SPAG17: variants seen among roughly 807,000 people sequenced by gnomAD.
The protein encoded by SPAG17 is sperm associated antigen 17, also known as sperm-associated antigen 17.
In SPAG17, 169 loss-of-function variants were observed where a neutral mutation model predicts 273.6. The observed-to-expected ratio is 0.62, with a 90% confidence interval of 0.55 to 0.70. The LOEUF is 0.70. Ranked by LOEUF, SPAG17 falls within the 30% of genes least tolerant of loss-of-function variation. The probability of loss-of-function intolerance (pLI) is 0.00; values close to 1 mark genes in which losing one functional copy is unlikely to be tolerated. For synonymous variants in SPAG17, 825 were observed against 873.2 expected, an observed-to-expected ratio of 0.94 and a Z score of 0.97; for missense variants, 2,557 against 2,627.8, an observed-to-expected ratio of 0.97 and a Z score of 0.59.
At chr1:118,042,081 C>T (rs748135665) in intron 20 of SPAG17, 39 bp from the exon 21 acceptor site, 25 of 1,586,418 alleles carry the variant, frequency 1.6e-5, no homozygotes, top group South Asian at 5.9e-5. Context: ...GATTTTTAAA[C>T]GAATTAAACA....
At chr1:118,006,850 C>G (rs569853261) in intron 31 of SPAG17, among the ~76,000 whole-genome samples, 1 of 152,172 alleles carries the variant, frequency 6.6e-6, no homozygotes, top group Admixed American at 6.5e-5. Flanking sequence ...CGCTGCAGCT[C>G]CCTCACAACT....
At position 117,966,599 on chromosome 1, in the gene SPAG17, T is replaced by C. The variant is rs769698889; in HGVS notation, c.6532+10A>G. On this transcript the variant is annotated intron_variant, in intron 47 of 48. Coordinates refer to ENST00000336338, the MANE Select transcript of SPAG17 (RefSeq NM_206996.4). ...ATATATGATTACTCAAGTTGAACTT[T>C]AAAGGATATTTGCTTCCACAGGTAG... is the stretch of plus-strand genomic sequence containing the variant. 3 of 1,598,304 alleles carry C rather than the reference T, an allele frequency of 1.9e-6. No individual in the cohort carries two copies. Among genetic ancestry groups the C allele is most frequent in the Admixed American group, 1.8e-5 (1 of 56,196 alleles).
intron 3 of SPAG17, among the ~76,000 whole-genome samples, chr1:118,117,690 C>T (rs1266496033): frequency 1.3e-5 from 2 of 152,186 alleles, no homozygotes; most frequent in Non-Finnish European, 2.9e-5. Context: ...TGGTGTCCTC[C>T]TCCCGAACTG....
rs565527040 is a variant in SPAG17, at chr1:118,172,707, GA to G, written c.87+12363del. Reference sequence around the variant, plus strand: ...GGGAACAAAAGGCCCATATTTTAATGAAAAAAATTTACGTCTGGTCTATGGA... The same window carrying G: ...GGGAACAAAAGGCCCATATTTTAATGAAAAAATTTACGTCTGGTCTATGGA... On this transcript the variant is annotated intron_variant, in intron 1 of 48. Coordinates refer to ENST00000336338, the MANE Select transcript of SPAG17 (RefSeq NM_206996.4). 2.6e-3 allele frequency among the ~76,000 whole-genome samples: 397 copies of G among 152,150 alleles called. 2 individuals are homozygous for G. Among genetic ancestry groups the G allele is most frequent in the African/African-American group, 9.1e-3 (379 of 41,502 alleles).
At position 118,041,975 on chromosome 1, in the gene SPAG17, T is replaced by C. The variant is rs748041676; in HGVS notation, c.2882A>G (p.Lys961Arg). The change falls in exon 21 of 49, where the codon AAG (lysine) becomes AGG (arginine). Residue 961 changes from lysine to arginine, a missense_variant. Physicochemically the swap from Lys to Arg is conservative, Grantham distance 26. Coordinates refer to ENST00000336338, the MANE Select transcript of SPAG17 (RefSeq NM_206996.4). ...CTTTTTACCAGCTTCTTTACCCTTC[T>C]TCTCTGCTTTCTTTTCTTCCCTTAA... is the stretch of plus-strand genomic sequence containing the variant. ...ERLREEKKAE[K>R]KGKEAGKKKG... 14 of 1,613,936 alleles carry C rather than the reference T, an allele frequency of 8.7e-6. No individual in the cohort carries two copies. The highest frequency in any genetic ancestry group is 1.1e-5 in the Non-Finnish European group (13 of 1,179,968).
intron 3 of SPAG17, among the ~76,000 whole-genome samples, chr1:118,133,133 G>C (rs977400974): frequency 6.6e-6 from 1 of 152,134 alleles, no homozygotes; most frequent in Admixed American, 6.5e-5. Context: ...CAACAGATTG[G>C]AGAATGTGAA....
At chr1:118,175,195 T>C (rs1660633840) in intron 1 of SPAG17, among the ~76,000 whole-genome samples, 1 of 152,074 alleles carries the variant, frequency 6.6e-6, no homozygotes, top group Non-Finnish European at 1.5e-5. Context: ...CACACCCAGT[T>C]AATTTTGTAT....
chr1:118,027,436 A>T (rs181592212), intron 26 of SPAG17, among the ~76,000 whole-genome samples: 1 of 152,352 alleles, frequency 6.6e-6, no homozygotes, highest in Admixed American at 6.5e-5. Context: ...AGGGAATTAT[A>T]TAAAAGAGGA....
chr1:118,022,946 T>G (rs1027183462), intron 28 of SPAG17, among the ~76,000 whole-genome samples: 1 of 152,142 alleles, frequency 6.6e-6, no homozygotes, highest in African/African-American at 2.4e-5. Context: ...TTGATATACC[T>G]TCTTGCAATT....
chr1:118,183,473 A>G (rs1661041085), intron 1 of SPAG17, among the ~76,000 whole-genome samples: 1 of 152,166 alleles, frequency 6.6e-6, no homozygotes, highest in Non-Finnish European at 1.5e-5. Flanking sequence ...TTTTCCTGCA[A>G]TAAGAAAATG....
intron 43 of SPAG17, among the ~76,000 whole-genome samples, chr1:117,979,264 C>A (rs1206255989): frequency 6.6e-6 from 1 of 152,138 alleles, no homozygotes; most frequent in Non-Finnish European, 1.5e-5. Context: ...AAGGCATAAA[C>A]CTATATCAGC....
rs147355005 is a variant in SPAG17, at chr1:117,959,342, C to T, written c.*4457G>A. The T allele has an allele frequency of 2.7e-4, 432 of 1,613,338 alleles. 3 individuals are homozygous for T. In the African/African-American group the frequency reaches 4.7e-3, roughly 18 times the overall value. The stretch of plus-strand genomic sequence containing the variant: ...GTCTTGATTATCTCAAGAGGGAATG[C>T]GAGGCAAAAAGTGAAGTTATGTTTT... On this transcript the variant is annotated intron_variant, in intron 48 of 48. Transcript: ENST00000336338.
chr1:118,074,272 T>C (rs1191485147), intron 16 of SPAG17, among the ~76,000 whole-genome samples: 1 of 152,112 alleles, frequency 6.6e-6, no homozygotes, highest in African/African-American at 2.4e-5. Context: ...CAGGGCTGTA[T>C]GGTGAGCAGG....
chr1:118,123,262 G>A (rs1657523466), intron 3 of SPAG17, among the ~76,000 whole-genome samples: 1 of 152,050 alleles, frequency 6.6e-6, no homozygotes, highest in African/African-American at 2.4e-5. Context: ...GATCCTGTAT[G>A]TGTCTAGTCT....
At chr1:118,018,978 G>A (rs528181588) in intron 28 of SPAG17, among the ~76,000 whole-genome samples, 1 of 148,312 alleles carries the variant, frequency 6.7e-6, no homozygotes, top group South Asian at 2.1e-4. Context: ...AGGCTGCAGT[G>A]AGCTGTGATC....
chr1:118,118,216 C>T (rs1475847496), intron 3 of SPAG17, among the ~76,000 whole-genome samples: 1 of 152,164 alleles, frequency 6.6e-6, no homozygotes, highest in Non-Finnish European at 1.5e-5. Context: ...TCCTCCCTGG[C>T]CTTAGTTGTA....
intron 27 of SPAG17, 152 bp from the exon 28 acceptor site, chr1:118,023,615 T>C (rs1647370020): frequency 1.7e-5 from 9 of 516,890 alleles, no homozygotes; most frequent in Non-Finnish European, 2.5e-5. Flanking sequence ...CAAAGTAGAT[T>C]ATAGAAAGGT....
rs774005407 is a variant in SPAG17, at chr1:117,963,855, TAGA to T, written c.6613_6615del (p.Ser2205del). 2.5e-6 allele frequency: 4 copies of T among 1,614,018 alleles called. No individual in the cohort carries two copies. The South Asian group carries it at 4.4e-5, about 18-fold the overall frequency. ...ACTCCAAGTGTGGAGGAATAAATTG[TAGA>T]AGTTCTCTGGACCATTGGATTTTCT... On this transcript the variant is annotated inframe_deletion, in exon 48 of 49. Coordinates refer to ENST00000336338, the MANE Select transcript of SPAG17 (RefSeq NM_206996.4).
intron 1 of SPAG17, among the ~76,000 whole-genome samples, chr1:118,161,437 G>C (rs1659904397): frequency 6.6e-6 from 1 of 152,120 alleles, no homozygotes; most frequent in Admixed American, 6.5e-5. Flanking sequence ...AATTGTGGAG[G>C]GTGGAGGTGT....
Sources: allele counts gnomAD v4.1 joint callset (sites outside exome capture counted in the v4.1 genomes callset), GRCh38; gene constraint gnomAD v4.1.1; transcripts MANE v1.5; gene names NCBI Gene and HGNC (gene_info 2026-07-23, HGNC 2026-07-21).